Variants in ARHGAP21 observed in about 807,000 individuals in gnomAD.
ARHGAP21 encodes the protein rho GTPase-activating protein 21.
Under a neutral mutation model 164.6 loss-of-function variants are expected in ARHGAP21, and 38 were observed. The ratio of observed to expected loss-of-function variants is 0.23; its 90% CI spans 0.18 to 0.30. The LOEUF (loss-of-function observed/expected upper bound fraction) is 0.30. Among genes scored for constraint, ARHGAP21 ranks in the 10% least tolerant of loss-of-function variants. The probability of loss-of-function intolerance (pLI) is 1.00; values close to 1 mark genes in which losing one functional copy is unlikely to be tolerated. For synonymous variants in ARHGAP21, 766 were observed against 857.9 expected (o/e 0.89, Z 1.87); for missense variants, 1,822 against 2,370.7 (o/e 0.77, Z 4.81).
intron 2 of ARHGAP21, among the ~76,000 whole-genome samples, chr10:24,707,241 T>G (rs2132190897): frequency 6.6e-6 from 1 of 152,344 alleles, no homozygotes; most frequent in South Asian, 2.1e-4. Flanking sequence ...GGCTAAAGAC[T>G]TATCCTTTAA....
intron 11 of ARHGAP21, 28 bp downstream of exon 11, chr10:24,607,471 T>C: frequency 1.3e-6 from 2 of 1,589,720 alleles, no homozygotes; most frequent in Non-Finnish European, 1.7e-6. Context: ...CACATACAAA[T>C]ATTTAAAATA....
Position 24,585,495 on chromosome 10 carries a change from G to T in ARHGAP21, c.4794C>A (p.Ser1598Arg), listed in dbSNP as rs1450589861. Reference protein sequence around the residue: ...STTSSATYLTSLDSSRLSPEV... With the variant: ...STTSSATYLTRLDSSRLSPEV... The stretch of plus-strand genomic sequence containing the variant: ...CAGGGCTCAGTCGACTGGAGTCCAG[G>T]CTAGTCAAGTATGTAGCAGACGATG... The change falls in exon 26 of 26, where the codon AGC becomes AGA. Residue 1598 changes from serine (S) to arginine (R), a missense_variant. By Grantham distance (110) the Ser-to-Arg change is moderately radical. Around this residue, in one of 5 missense-constraint regions of ARHGAP21, gnomAD observed 333 missense variants for 383.9 expected, o/e 0.87. Transcript: ENST00000396432. 3 of 1,614,152 alleles carry T rather than the reference G, an allele frequency of 1.9e-6. No homozygotes were observed. Among genetic ancestry groups the T allele is most frequent in the Middle Eastern group, 1.6e-4 (1 of 6,062 alleles).
chr10:24,703,519 C>T (rs755370094), intron 2 of ARHGAP21, among the ~76,000 whole-genome samples: 1 of 152,144 alleles, frequency 6.6e-6, no homozygotes, highest in Non-Finnish European at 1.5e-5. Flanking sequence ...CAACTCCAGG[C>T]CTTGAATTCA....
chr10:24,597,478 C>G lies in ARHGAP21; in HGVS notation c.3303G>C (p.Lys1101Asn). The change falls in exon 16 of 26, where the codon AAG becomes AAC. Residue 1101 changes from lysine to asparagine, a missense_variant. By Grantham distance (94) the Lys-to-Asn change is moderately conservative (BLOSUM62 0). Coordinates refer to ENST00000396432, the MANE Select transcript of ARHGAP21 (RefSeq NM_020824.4). ...EPKTQSPHSP[K>N]EESERKLLSK... ...TGAGAAGTTTCCTTTCCGACTCTTC[C>G]TTCGGAGAGTGTGGGCTTTGAGTCT... 6.2e-7 allele frequency: 1 copy of G among 1,613,930 alleles called. No individual in the cohort carries two copies. Among genetic ancestry groups the G allele is most frequent in the East Asian group, 2.2e-5 (1 of 44,876 alleles).
chr10:24,583,650 G>A lies in ARHGAP21; in HGVS notation c.*762C>T, dbSNP rs2075985363. 2 of 152,434 alleles carry A rather than the reference G, an allele frequency of 1.3e-5. No homozygotes were observed. The highest frequency in any genetic ancestry group is 2.9e-5 in the Non-Finnish European group (2 of 67,996). The allele number at this position is 152,434 out of a possible 1,614,324, so 9.4% of individuals were successfully genotyped here. A position where few individuals can be genotyped will look rare whatever the true frequency, so the allele number is the denominator to read the frequency against. On this transcript the variant is annotated 3_prime_UTR_variant, in exon 26 of 26. Coordinates refer to ENST00000396432, the MANE Select transcript of ARHGAP21 (RefSeq NM_020824.4). ...AATTTTTATTTCCAGTGTTTAATTG[G>A]GTATGCACACAGGCATGACACAGGT...
intron 2 of ARHGAP21, among the ~76,000 whole-genome samples, chr10:24,714,762 C>T (rs762536161): frequency 1.3e-5 from 2 of 152,030 alleles, no homozygotes; most frequent in Admixed American, 6.6e-5. Flanking sequence ...TGGCCGGGCA[C>T]GGTGGTTCAC....
chr10:24,584,056 A>C lies in ARHGAP21; in HGVS notation c.*356T>G, dbSNP rs192704606. 0.011 allele frequency: 1,677 copies of C among 153,506 alleles called. 3 individuals carry two copies. The highest frequency in any genetic ancestry group is 0.015 in the Admixed American group (229 of 15,328). The allele number at this position is 153,506 out of a possible 1,614,324, so 9.5% of individuals were successfully genotyped here. ...TAACAATATGGCACCCTAAAAACCA[A>C]CTGTATTTTTATGATGAGGCACTTT... On this transcript the variant is annotated 3_prime_UTR_variant, in exon 26 of 26. Coordinates refer to ENST00000396432, the MANE Select transcript of ARHGAP21 (RefSeq NM_020824.4).
At chr10:24,594,877 CATGAAGTA>C (rs2076511679) in intron 21 of ARHGAP21, 65 bp downstream of exon 21, 1 of 1,221,542 alleles carries the variant, frequency 8.2e-7, no homozygotes, top group African/African-American at 1.5e-5. Flanking sequence ...GACTATTTGG[CATGAAGTA>C]ATGAAGCATA....
intron 4 of ARHGAP21, among the ~76,000 whole-genome samples, chr10:24,664,457 G>A (rs914134782): frequency 1.6e-4 from 24 of 151,840 alleles, no homozygotes; most frequent in African/African-American, 5.6e-4. Flanking sequence ...GATGGTGGGT[G>A]AGGCAGGAGA....
intron 4 of ARHGAP21, among the ~76,000 whole-genome samples, chr10:24,658,979 C>T (rs1440792527): frequency 2.0e-5 from 3 of 152,158 alleles, no homozygotes; most frequent in African/African-American, 7.2e-5. Context: ...GTGAAAACCA[C>T]AGTGAGATAC....
intron 2 of ARHGAP21, among the ~76,000 whole-genome samples, chr10:24,711,933 T>G (rs1844865567): frequency 1.3e-5 from 2 of 151,996 alleles, no homozygotes; most frequent in African/African-American, 4.8e-5. Flanking sequence ...TTTTTTTTTT[T>G]GAGACAGTTT....
chr10:24,699,829 T>C (rs954259914), intron 2 of ARHGAP21, among the ~76,000 whole-genome samples: 9 of 152,190 alleles, frequency 5.9e-5, no homozygotes, highest in Non-Finnish European at 1.0e-4. Flanking sequence ...GTGATATTCA[T>C]AGCATCTCTG....
In ARHGAP21 at chr10:24,591,886, C is replaced by T; in HGVS notation, c.4002+1G>A. Reference sequence around the variant, plus strand: ...CTTACAGAGATGAAGCATGAACTTACGTGCTGGATGAGCGTTTCTACAATC... The same window carrying T: ...CTTACAGAGATGAAGCATGAACTTATGTGCTGGATGAGCGTTTCTACAATC... On this transcript the variant is annotated splice_donor_variant, in intron 22 of 25. Coordinates refer to ENST00000396432, the MANE Select transcript of ARHGAP21 (RefSeq NM_020824.4). LOFTEE classifies it high-confidence loss of function. 1.2e-6 allele frequency: 2 copies of T among 1,602,908 alleles called. No individual in the cohort carries two copies. Among genetic ancestry groups the T allele is most frequent in the Non-Finnish European group, 1.7e-6 (2 of 1,176,568 alleles).
intron 6 of ARHGAP21, among the ~76,000 whole-genome samples, chr10:24,632,314 C>CT (rs1205215837): frequency 6.6e-6 from 1 of 152,074 alleles, no homozygotes; most frequent in Non-Finnish European, 1.5e-5. Flanking sequence ...AAGTTATGGG[C>CT]TGACAAAACA....
intron 24 of ARHGAP21, 111 bp downstream of exon 24, chr10:24,591,114 G>GAGAAA (rs2076310722): frequency 1.9e-6 from 2 of 1,076,248 alleles, no homozygotes; most frequent in Admixed American, 5.1e-5. Flanking sequence ...TAGAAAGGAA[G>GAGAAA]AGAAAAAGAA....
intron 2 of ARHGAP21, among the ~76,000 whole-genome samples, chr10:24,710,226 A>G (rs569456641): frequency 6.6e-6 from 1 of 152,284 alleles, no homozygotes; most frequent in Non-Finnish European, 1.5e-5. Flanking sequence ...TATATGTAGA[A>G]TCTCTAGATA....
At chr10:24,611,122 G>A (rs1364053358) in intron 9 of ARHGAP21, among the ~76,000 whole-genome samples, 2 of 152,144 alleles carry the variant, frequency 1.3e-5, no homozygotes, top group Non-Finnish European at 2.9e-5. Flanking sequence ...TCACAGGAGC[G>A]GCTGGCCCTC....
chr10:24,648,721 G>A (rs555294636), intron 4 of ARHGAP21: 1 of 820,858 alleles, frequency 1.2e-6, no homozygotes, highest in Non-Finnish European at 1.5e-6. Flanking sequence ...GCAGGCTGCA[G>A]TGAGCCGAGA....
chr10:24,695,326 T>G (rs1395670474), intron 2 of ARHGAP21, among the ~76,000 whole-genome samples: 2 of 152,096 alleles, frequency 1.3e-5, no homozygotes, highest in Non-Finnish European at 2.9e-5. Flanking sequence ...CCCAGCATTT[T>G]CAGAGGCCGA....
Sources: gnomAD v4.1 joint callset for allele counts (sites outside exome capture counted in the v4.1 genomes callset) on GRCh38, gnomAD v4.1.1 for gene constraint, gnomAD v4.1.1 regional missense constraint, MANE v1.5 for transcripts, NCBI Gene and HGNC (gene_info 2026-07-23, HGNC 2026-07-21) for gene names.